NKAIN3: variants seen among roughly 807,000 people sequenced by gnomAD.
The protein encoded by NKAIN3 is sodium/potassium-transporting ATPase subunit beta-1-interacting protein 3.
A neutral mutation model predicts 30.2 loss-of-function variants in NKAIN3; 25 were observed. That is an observed-to-expected ratio of 0.83 (90% CI 0.60 to 1.16). NKAIN3 has a LOEUF of 1.16. Ranked by LOEUF, NKAIN3 falls within the 50% of genes most tolerant of loss-of-function variation. NKAIN3 has a pLI of 0.00. For missense variants in NKAIN3, 225 were observed against 254.1 expected, an observed-to-expected ratio of 0.89 and a Z score of 0.78; for synonymous variants, 91 against 89.6, an observed-to-expected ratio of 1.02 and a Z score of -0.09.
chr8:62,752,201 G>C (rs1258900078), intron 4 of NKAIN3, among the ~76,000 whole-genome samples: 2 of 152,192 alleles, frequency 1.3e-5, no homozygotes, highest in African/African-American at 4.8e-5. Flanking sequence ...GAAGTTAAGA[G>C]AATGTCAGTA....
intron 1 of NKAIN3, among the ~76,000 whole-genome samples, chr8:62,440,216 A>T (rs1045335617): frequency 6.6e-6 from 1 of 152,182 alleles, no homozygotes; most frequent in Non-Finnish European, 1.5e-5. Flanking sequence ...CTAGAAAATA[A>T]ATAACAAAGT....
At chr8:62,413,289 C>A (rs1217145339) in intron 1 of NKAIN3, among the ~76,000 whole-genome samples, 1 of 152,158 alleles carries the variant, frequency 6.6e-6, no homozygotes, top group Non-Finnish European at 1.5e-5. Context: ...TGTTTTGTTG[C>A]TTTCTCCAGG....
intron 1 of NKAIN3, among the ~76,000 whole-genome samples, chr8:62,504,664 G>A (rs926658656): frequency 6.6e-6 from 1 of 152,014 alleles, no homozygotes; most frequent in African/African-American, 2.4e-5. Flanking sequence ...CATTATCAGA[G>A]TTTTTCTGTT....
chr8:62,666,404 T>C (rs1197866848), intron 3 of NKAIN3, among the ~76,000 whole-genome samples: 1 of 152,190 alleles, frequency 6.6e-6, no homozygotes, highest in South Asian at 2.1e-4. Context: ...CCAAATGATA[T>C]GATTATCATT....
At chr8:62,790,457 C>A (rs1817669016) in intron 4 of NKAIN3, among the ~76,000 whole-genome samples, 1 of 151,992 alleles carries the variant, frequency 6.6e-6, no homozygotes, top group Non-Finnish European at 1.5e-5. Flanking sequence ...ATGAGAATTT[C>A]TCAAAACTGC....
chr8:62,450,204 G>A (rs1009884947), intron 1 of NKAIN3, among the ~76,000 whole-genome samples: 5 of 152,210 alleles, frequency 3.3e-5, no homozygotes, highest in East Asian at 1.9e-4. Flanking sequence ...AACATTTAAA[G>A]CATGTAGCTA....
chr8:62,730,848 CTA>C (rs768524334), intron 3 of NKAIN3, among the ~76,000 whole-genome samples: 1 of 152,064 alleles, frequency 6.6e-6, no homozygotes, highest in Non-Finnish European at 1.5e-5. Flanking sequence ...GCTGTTTTAA[CTA>C]TTAACAATTG....
intron 1 of NKAIN3, among the ~76,000 whole-genome samples, chr8:62,336,701 G>A (rs1173775899): frequency 6.6e-6 from 1 of 151,966 alleles, no homozygotes. Context: ...CTTGAAACAA[G>A]CACCATTTTA....
At chr8:62,862,938 T>G in intron 4 of NKAIN3, 1 of 406,474 alleles carries the variant, frequency 2.5e-6, no homozygotes, top group East Asian at 5.6e-5. Flanking sequence ...AGACACAGTT[T>G]TCAGTGTTTT....
intron 4 of NKAIN3, among the ~76,000 whole-genome samples, chr8:62,911,439 G>A (rs957355622): frequency 8.5e-5 from 13 of 152,200 alleles, no homozygotes; most frequent in Non-Finnish European, 1.6e-4. Context: ...GATAGAATTC[G>A]CAATGCATCA....
In NKAIN3 at chr8:62,968,360, CTT is replaced by C. The variant is rs1239761579; in HGVS notation, c.*2954_*2955del. On this transcript the variant is annotated 3_prime_UTR_variant, in exon 7 of 7. Coordinates refer to ENST00000623646, the MANE Select transcript of NKAIN3 (RefSeq NM_001304533.3). Reference sequence around the variant, plus strand: ...TGCAGTTATTGCTTTTGCCTCCAGTCTTATAGAATGCACTCTGCATTGTGCGT... The same window carrying C: ...TGCAGTTATTGCTTTTGCCTCCAGTCATAGAATGCACTCTGCATTGTGCGT... 6.6e-6 allele frequency among the ~76,000 whole-genome samples: 1 copy of C among 152,192 alleles called. No homozygotes were observed. The highest frequency in any genetic ancestry group is 1.5e-5 in the Non-Finnish European group (1 of 68,036).
intron 4 of NKAIN3, among the ~76,000 whole-genome samples, chr8:62,794,660 C>G (rs543304492): frequency 6.6e-6 from 1 of 152,294 alleles, no homozygotes; most frequent in African/African-American, 2.4e-5. Flanking sequence ...ATCTCCTACA[C>G]TTGTTACTTA....
intron 4 of NKAIN3, among the ~76,000 whole-genome samples, chr8:62,752,116 C>A (rs573337035): frequency 3.9e-5 from 6 of 152,238 alleles, no homozygotes; most frequent in Admixed American, 1.3e-4. Flanking sequence ...CAAAAGGAAT[C>A]TATTGAGCAA....
chr8:62,402,194 T>G (rs569562513), intron 1 of NKAIN3, among the ~76,000 whole-genome samples: 2 of 152,312 alleles, frequency 1.3e-5, no homozygotes, highest in East Asian at 3.9e-4. Flanking sequence ...CTCCCCATGG[T>G]CACCACCACC....
At chr8:62,776,550 C>A (rs1393424027) in intron 4 of NKAIN3, among the ~76,000 whole-genome samples, 1 of 151,992 alleles carries the variant, frequency 6.6e-6, no homozygotes, top group African/African-American at 2.4e-5. Flanking sequence ...TAAAGAAAAC[C>A]AAATAAACTA....
intron 4 of NKAIN3, among the ~76,000 whole-genome samples, chr8:62,820,587 G>A (rs1490055903): frequency 1.3e-5 from 2 of 152,126 alleles, no homozygotes; most frequent in African/African-American, 2.4e-5. Flanking sequence ...GTCCTTTGCT[G>A]AAGCAAAATA....
chr8:62,851,532 G>A (rs1242338840), intron 4 of NKAIN3, among the ~76,000 whole-genome samples: 1 of 152,136 alleles, frequency 6.6e-6, no homozygotes, highest in Non-Finnish European at 1.5e-5. Flanking sequence ...CCCGTCTTGT[G>A]CCGGTTTTCA....
At chr8:62,830,766 C>T (rs1211011040) in intron 4 of NKAIN3, among the ~76,000 whole-genome samples, 2 of 152,150 alleles carry the variant, frequency 1.3e-5, no homozygotes, top group South Asian at 4.1e-4. Flanking sequence ...GTTTACCTCC[C>T]CACCACCCAT....
chr8:62,924,248 G>A (rs1822370882), intron 5 of NKAIN3, among the ~76,000 whole-genome samples: 1 of 152,120 alleles, frequency 6.6e-6, no homozygotes, highest in Non-Finnish European at 1.5e-5. Flanking sequence ...CAGCTTAGCT[G>A]TCTCTTCTGA....
Sources: allele counts gnomAD v4.1 joint callset (sites outside exome capture counted in the v4.1 genomes callset), GRCh38; gene constraint gnomAD v4.1.1; transcripts MANE v1.5; gene names NCBI Gene and HGNC (gene_info 2026-07-23, HGNC 2026-07-21).